The following RBL1 variants were observed in gnomAD, a reference collection of about 807,000 sequenced individuals.
RBL1 encodes the protein RB transcriptional corepressor like 1, also known as retinoblastoma-like protein 1.
A neutral mutation model predicts 123.0 loss-of-function variants in RBL1; 82 were observed. That is an observed-to-expected ratio of 0.67 (90% CI 0.56 to 0.80). The LOEUF (loss-of-function observed/expected upper bound fraction) is 0.80. RBL1 is among the 30% of genes least tolerant of loss of function. The pLI, the probability that RBL1 is intolerant of heterozygous loss-of-function variation, is 0.00. For synonymous variants in RBL1, 405 were observed against 441.3 expected (o/e 0.92, Z 1.03); for missense variants, 1,171 against 1,299.6 (o/e 0.90, Z 1.52).
intron 16 of RBL1, among the ~76,000 whole-genome samples, chr20:37,030,363 T>TG (rs2064486649): frequency 6.6e-6 from 1 of 152,220 alleles, no homozygotes; most frequent in Non-Finnish European, 1.5e-5. Context: ...CAAATCGTGC[T>TG]GGGAAAAATG....
Position 37,023,902 on chromosome 20 carries a change from C to T in RBL1, c.2383-1076G>A, listed in dbSNP as rs149611677. 5.5e-3 allele frequency among the ~76,000 whole-genome samples: 831 copies of T among 151,652 alleles called. 2 individuals carry two copies. The highest frequency in any genetic ancestry group is 0.019 in the African/African-American group (787 of 41,334). ...AAGTGATGCTTGTGTCTCAGCCTCC[C>T]GAGTAGCTGGGACTACAGGCAAGTG... On this transcript the variant is annotated intron_variant, in intron 16 of 21. Transcript: ENST00000373664.
intron 21 of RBL1, among the ~76,000 whole-genome samples, chr20:37,001,732 G>A (rs1431425676): frequency 9.4e-6 from 1 of 106,128 alleles, no homozygotes; most frequent in African/African-American, 3.6e-5. Flanking sequence ...CCCTCTGCGA[G>A]AAACACCCAA....
At chr20:37,078,062 T>C (rs559744447) in intron 2 of RBL1, among the ~76,000 whole-genome samples, 1 of 152,314 alleles carries the variant, frequency 6.6e-6, no homozygotes, top group South Asian at 2.1e-4. Context: ...TTATTTGTAG[T>C]ATGTCCCTAA....
chr20:37,076,329 T>C (rs901580673), intron 2 of RBL1, among the ~76,000 whole-genome samples: 4 of 152,202 alleles, frequency 2.6e-5, no homozygotes, highest in African/African-American at 7.2e-5. Context: ...TTAACAATAA[T>C]AAAATAGAAC....
At position 37,067,903 on chromosome 20, in the gene RBL1, T is replaced by TA. The variant is rs2065207960; in HGVS notation, c.491+82dup. 8.2e-6 allele frequency: 12 copies of TA among 1,465,534 alleles called. 1 individual carries two copies. The South Asian group carries it at 1.1e-4, about 13-fold the overall frequency. The allele number at this position is 1,465,534 out of a possible 1,614,324, so 90.8% of individuals were successfully genotyped here. ...AAGTTCTTTGCAGGAATACTTTTCA[T>TA]AAAAAACAGACTTTCAAAAAAGTAT... On this transcript the variant is annotated intron_variant, in intron 3 of 21. Transcript: ENST00000373664.
At chr20:37,043,139 TCTCTACACACACATGCGC>T (rs1345824623) in intron 13 of RBL1, among the ~76,000 whole-genome samples, 2 of 146,400 alleles carry the variant, frequency 1.4e-5, no homozygotes, top group Non-Finnish European at 3.0e-5. Context: ...CAAGATCCTG[TCTCTACACACACATGCGC>T]GCGTGCACAC....
chr20:37,076,196 T>C (rs928724976), intron 2 of RBL1, among the ~76,000 whole-genome samples: 1 of 152,212 alleles, frequency 6.6e-6, no homozygotes, highest in Non-Finnish European at 1.5e-5. Context: ...TCAGGGAATA[T>C]ATTGCAAGAC....
chr20:37,013,613 C>T (rs2064201810), intron 19 of RBL1, among the ~76,000 whole-genome samples: 1 of 149,906 alleles, frequency 6.7e-6, no homozygotes, highest in Admixed American at 6.6e-5. Flanking sequence ...AAATTTGAGA[C>T]ACTACCCTCA....
chr20:37,021,620 T>A (rs1005349511), intron 17 of RBL1: 1 of 152,168 alleles, frequency 6.6e-6, no homozygotes, highest in African/African-American at 2.4e-5. Context: ...AATTTTTGTA[T>A]TTTTAGTAGA....
intron 14 of RBL1, among the ~76,000 whole-genome samples, chr20:37,038,730 G>A (rs2064672445): frequency 6.6e-6 from 1 of 150,970 alleles, no homozygotes; most frequent in Non-Finnish European, 1.5e-5. Flanking sequence ...AACCTCCTGA[G>A]TAGCTGGGAT....
chr20:37,032,157 A>AT (rs933999334), intron 16 of RBL1, among the ~76,000 whole-genome samples: 1 of 152,178 alleles, frequency 6.6e-6, no homozygotes, highest in Admixed American at 6.5e-5. Flanking sequence ...AAAATGTGGT[A>AT]TTAAAAAAAA....
At chr20:37,026,666 T>C (rs868353785) in intron 16 of RBL1, among the ~76,000 whole-genome samples, 11 of 147,036 alleles carry the variant, frequency 7.5e-5, no homozygotes, top group African/African-American at 5.1e-5. Flanking sequence ...ATCGTGCCAC[T>C]GCACTCCAGC....
chr20:37,058,276 G>A (rs2065045645), intron 9 of RBL1, among the ~76,000 whole-genome samples: 1 of 151,992 alleles, frequency 6.6e-6, no homozygotes. Flanking sequence ...CCAGCACTTT[G>A]CGAGGCTGAA....
chr20:37,015,703 T>C (rs2064239201), intron 19 of RBL1, among the ~76,000 whole-genome samples: 2 of 150,830 alleles, frequency 1.3e-5, no homozygotes, highest in Admixed American at 1.3e-4. Flanking sequence ...GTGCTGGGAT[T>C]ACAGGCGTGA....
At position 37,054,242 on chromosome 20, in the gene RBL1, T is replaced by C. The variant is rs139276828; in HGVS notation, c.1467+1311A>G. ...GCTCACACCTGTAATCCCAGCACTT[T>C]TGGAGGCTAAGGCAGGTGGATCACA... On this transcript the variant is annotated intron_variant, in intron 11 of 21. Transcript: ENST00000373664. Among the ~76,000 whole-genome samples the C allele has an allele frequency of 1.9e-3, 286 of 152,212 alleles. 1 individual carries two copies. Among genetic ancestry groups the C allele is most frequent in the African/African-American group, 6.6e-3 (275 of 41,530 alleles).
At chr20:37,012,108 G>A (rs1179548857) in intron 19 of RBL1, among the ~76,000 whole-genome samples, 2 of 152,250 alleles carry the variant, frequency 1.3e-5, no homozygotes, top group Non-Finnish European at 2.9e-5. Flanking sequence ...CGAGTGATCC[G>A]CCAGCCTCGG....
At chr20:37,088,815 A>G (rs2065598081) in intron 2 of RBL1, among the ~76,000 whole-genome samples, 174 bp downstream of exon 2, 1 of 152,116 alleles carries the variant, frequency 6.6e-6, no homozygotes, top group Non-Finnish European at 1.5e-5. Context: ...GTAAGCCAAG[A>G]CTGTGCCACT....
At chr20:37,051,909 T>C (rs1490620420) in intron 11 of RBL1, among the ~76,000 whole-genome samples, 1 of 151,228 alleles carries the variant, frequency 6.6e-6, no homozygotes, top group Non-Finnish European at 1.5e-5. Context: ...TGAAAAAGGA[T>C]GGAAAAAGAT....
chr20:37,007,582 GT>G, intron 19 of RBL1, 23 bp from the exon 20 acceptor site: 1 of 1,607,224 alleles, frequency 6.2e-7, no homozygotes, highest in Non-Finnish European at 8.5e-7. Context: ...ATGCAATGTT[GT>G]GATACAAAGC....
Sources: gnomAD v4.1 joint callset for allele counts (sites outside exome capture counted in the v4.1 genomes callset) on GRCh38, gnomAD v4.1.1 for gene constraint, MANE v1.5 for transcripts, NCBI Gene and HGNC (gene_info 2026-07-23, HGNC 2026-07-21) for gene names.